RBMS3: variants seen among roughly 807,000 people sequenced by gnomAD.
The protein encoded by RBMS3 is RNA binding motif single stranded interacting protein 3.
Under a neutral mutation model 66.8 loss-of-function variants are expected in RBMS3, and 27 were observed. The observed-to-expected ratio is 0.40, with a 90% CI of 0.30 to 0.56. The LOEUF (loss-of-function observed/expected upper bound fraction) is 0.56, where lower values mean the gene tolerates loss of function less well. Ranked by LOEUF, RBMS3 falls within the 20% of genes least tolerant of loss-of-function variation. RBMS3 has a pLI of 0.40. For missense variants in RBMS3, 513 were observed against 549.5 expected (o/e 0.93, Z 0.66); for synonymous variants, 188 against 183.0 (o/e 1.03, Z -0.22).
chr3:29,689,577 T>C (rs566238153), intron 4 of RBMS3, among the ~76,000 whole-genome samples: 12 of 151,940 alleles, frequency 7.9e-5, no homozygotes, highest in Non-Finnish European at 1.6e-4. Flanking sequence ...GAGTGGAAAA[T>C]ATATAAAAAT....
At chr3:29,286,802 T>A (rs2032382377) in intron 1 of RBMS3, among the ~76,000 whole-genome samples, 1 of 152,122 alleles carries the variant, frequency 6.6e-6, no homozygotes, top group Non-Finnish European at 1.5e-5. Context: ...ATTATGCCCA[T>A]GTCAAATTCT....
chr3:29,897,306 A>G (rs2060145237), intron 8 of RBMS3, 73 bp from the exon 9 acceptor site: 3 of 1,311,500 alleles, frequency 2.3e-6, no homozygotes, highest in Non-Finnish European at 3.3e-6. Context: ...TCCCATAGGT[A>G]CTTGATAGCA....
At chr3:29,515,781 T>C (rs1377181696) in intron 3 of RBMS3, among the ~76,000 whole-genome samples, 1 of 152,188 alleles carries the variant, frequency 6.6e-6, no homozygotes, top group African/African-American at 2.4e-5. Context: ...TTGCAGTACA[T>C]GCAGGAAGAC....
chr3:29,416,364 T>C (rs1160954821), intron 1 of RBMS3, among the ~76,000 whole-genome samples: 1 of 151,796 alleles, frequency 6.6e-6, no homozygotes, highest in African/African-American at 2.4e-5. Context: ...TGTATTCTTC[T>C]CAAAAATGGT....
At chr3:29,658,542 G>A (rs571911194) in intron 4 of RBMS3, among the ~76,000 whole-genome samples, 5 of 152,228 alleles carry the variant, frequency 3.3e-5, no homozygotes, top group Admixed American at 1.3e-4. Flanking sequence ...GTAATCATTC[G>A]ATTCCTGGCA....
At chr3:29,943,022 T>A (rs1230050990) in intron 11 of RBMS3, among the ~76,000 whole-genome samples, 1 of 151,800 alleles carries the variant, frequency 6.6e-6, no homozygotes, top group Non-Finnish European at 1.5e-5. Context: ...TTGAATCTTT[T>A]GATCATGTTT....
intron 5 of RBMS3, among the ~76,000 whole-genome samples, chr3:29,741,345 G>A (rs2054635636): frequency 6.6e-6 from 1 of 152,148 alleles, no homozygotes; most frequent in African/African-American, 2.4e-5. Context: ...GATTTTCATG[G>A]CCAAGGCAGA....
intron 4 of RBMS3, among the ~76,000 whole-genome samples, chr3:29,596,426 A>G (rs1247493805): frequency 6.6e-6 from 1 of 152,232 alleles, no homozygotes; most frequent in East Asian, 1.9e-4. Flanking sequence ...GGAGACAGAC[A>G]AACGGATGCA....
At chr3:29,687,043 G>C (rs2051763290) in intron 4 of RBMS3, among the ~76,000 whole-genome samples, 1 of 152,140 alleles carries the variant, frequency 6.6e-6, no homozygotes, top group Non-Finnish European at 1.5e-5. Context: ...CTAGTACTAG[G>C]AAAGAATGAG....
In RBMS3 at chr3:29,488,486, A is replaced by G. The variant is rs555547491; in HGVS notation, c.294A>G (p.Thr98=). ...CAAAGGCAATTCTTGACAAAAACAC[A>G]AATCAGTGCAAAGGTATGTGTAAGG... is the stretch of plus-strand genomic sequence containing the variant. The part of the protein sequence containing the change: ...VSTKAILDKN[T]NQCKGYGFVD... The change falls in exon 3 of 15, where the codon ACA becomes ACG. Residue 98 remains threonine, a synonymous_variant. Coordinates refer to ENST00000383767, the MANE Select transcript of RBMS3 (RefSeq NM_001003793.3). 31 of 1,611,878 alleles carry G rather than the reference A, an allele frequency of 1.9e-5. 1 individual carries two copies. In the African/African-American group the frequency reaches 2.9e-4, roughly 15 times the overall value.
chr3:29,379,301 C>T (rs1263911469), intron 1 of RBMS3, among the ~76,000 whole-genome samples: 2 of 152,062 alleles, frequency 1.3e-5, no homozygotes, highest in African/African-American at 4.8e-5. Context: ...ATCTCCAATG[C>T]ATGATTGAAT....
intron 4 of RBMS3, among the ~76,000 whole-genome samples, chr3:29,720,035 C>T (rs970508226): frequency 6.6e-6 from 1 of 151,882 alleles, no homozygotes; most frequent in Non-Finnish European, 1.5e-5. Flanking sequence ...TATGTAGACC[C>T]ACATGGCCCA....
At chr3:29,797,999 T>C (rs2057256525) in intron 6 of RBMS3, among the ~76,000 whole-genome samples, 1 of 151,852 alleles carries the variant, frequency 6.6e-6, no homozygotes, top group Non-Finnish European at 1.5e-5. Context: ...TATTGTTGTA[T>C]CTCAGGAAAT....
chr3:29,596,626 A>T (rs1232029159), intron 4 of RBMS3, among the ~76,000 whole-genome samples: 1 of 152,218 alleles, frequency 6.6e-6, no homozygotes, highest in Non-Finnish European at 1.5e-5. Flanking sequence ...CTTGAACCCA[A>T]GCCTTTCTGG....
At chr3:29,478,314 T>C (rs1018632005) in intron 2 of RBMS3, among the ~76,000 whole-genome samples, 1 of 152,192 alleles carries the variant, frequency 6.6e-6, no homozygotes, top group East Asian at 1.9e-4. Context: ...AAGTTCAAGA[T>C]GAAGGCAGCA....
intron 2 of RBMS3, among the ~76,000 whole-genome samples, chr3:29,442,471 A>G (rs1005044573): frequency 6.6e-6 from 1 of 152,190 alleles, no homozygotes; most frequent in Admixed American, 6.5e-5. Flanking sequence ...GAAGAGAAAA[A>G]TAAAAATAAA....
chr3:29,565,176 T>G (rs927307282), intron 3 of RBMS3, among the ~76,000 whole-genome samples: 6 of 152,192 alleles, frequency 3.9e-5, no homozygotes, highest in African/African-American at 1.4e-4. Flanking sequence ...AAAGGAAAGT[T>G]AAATTATGTT....
chr3:29,441,388 A>T (rs944599253), intron 2 of RBMS3, among the ~76,000 whole-genome samples: 2 of 152,192 alleles, frequency 1.3e-5, no homozygotes, highest in Admixed American at 1.3e-4. Context: ...TATTTACATT[A>T]ACACAGTTAT....
intron 4 of RBMS3, among the ~76,000 whole-genome samples, chr3:29,725,999 G>A (rs2053854015): frequency 6.6e-6 from 1 of 152,148 alleles, no homozygotes; most frequent in African/African-American, 2.4e-5. Context: ...ACATGAAAAA[G>A]CTTATCCACC....
Sources: gnomAD v4.1 joint callset for allele counts (sites outside exome capture counted in the v4.1 genomes callset) on GRCh38, gnomAD v4.1.1 for gene constraint, MANE v1.5 for transcripts, NCBI Gene and HGNC (gene_info 2026-07-23, HGNC 2026-07-21) for gene names.